RACGAP1: variants seen among roughly 807,000 people sequenced by gnomAD.
The protein encoded by RACGAP1 is Rac GTPase activating protein 1, also known as rac GTPase-activating protein 1.
A neutral mutation model predicts 78.1 loss-of-function variants in RACGAP1; 30 were observed. The observed-to-expected ratio is 0.38, with a 90% confidence interval of 0.29 to 0.52. The LOEUF is 0.52. RACGAP1 is among the 20% of genes least tolerant of loss of function. The pLI is 0.82. For missense variants in RACGAP1, 587 were observed against 777.1 expected (o/e 0.76, Z 2.91); for synonymous variants, 231 against 264.8 (o/e 0.87, Z 1.24).
intron 2 of RACGAP1, among the ~76,000 whole-genome samples, chr12:50,011,654 T>A (rs559484339): frequency 6.6e-6 from 1 of 151,912 alleles, no homozygotes; most frequent in East Asian, 1.9e-4. Context: ...TCAAAATAAA[T>A]ATAAAAATTA....
intron 2 of RACGAP1, among the ~76,000 whole-genome samples, chr12:50,014,719 C>T (rs191436785): frequency 4.5e-4 from 68 of 151,912 alleles, no homozygotes; most frequent in African/African-American, 1.6e-3. Flanking sequence ...ACCACACTGG[C>T]GGGTTTTTTT....
At chr12:50,027,404 A>G (rs902942184), upstream of RACGAP1, among the ~76,000 whole-genome samples, 4 of 152,218 alleles carry the variant, frequency 2.6e-5, no homozygotes, top group Non-Finnish European at 5.9e-5. Context: ...GGGAGTGTTA[A>G]AAAAGCCTGC....
At chr12:49,998,264 C>G (rs1050852057) in intron 9 of RACGAP1, among the ~76,000 whole-genome samples, 1 of 152,006 alleles carries the variant, frequency 6.6e-6, no homozygotes, top group South Asian at 2.1e-4. Flanking sequence ...ATTGGCCGGG[C>G]ATGGTGGTGG....
At chr12:50,003,051 C>T (rs1161671888) in intron 5 of RACGAP1, among the ~76,000 whole-genome samples, 3 of 149,172 alleles carry the variant, frequency 2.0e-5, no homozygotes, top group African/African-American at 7.4e-5. Context: ...AAAAGTTCTA[C>T]AGTTTAGGAA....
intron 5 of RACGAP1, among the ~76,000 whole-genome samples, chr12:50,003,705 C>G (rs897472071): frequency 2.0e-5 from 3 of 152,124 alleles, no homozygotes; most frequent in Non-Finnish European, 4.4e-5. Context: ...AAAAGCAGGG[C>G]AACAAATAGT....
Position 49,989,275 on chromosome 12 carries a change from AC to A in RACGAP1, c.*992del, listed in dbSNP as rs1260762515. 2 of 152,216 alleles carry A rather than the reference AC, an allele frequency of 1.3e-5. No homozygotes were observed. Among genetic ancestry groups the A allele is most frequent in the Non-Finnish European group, 2.9e-5 (2 of 68,034 alleles). The allele number at this position is 152,216 out of a possible 1,614,324, so 9.4% of individuals were successfully genotyped here. On this transcript the variant is annotated 3_prime_UTR_variant, in exon 17 of 17. Transcript: ENST00000312377. ...CTACAGAAGAAAATCGTTTTTACAG[AC>A]ATTAAGAATAATTTTAACAGAAGAA...
intron 2 of RACGAP1, among the ~76,000 whole-genome samples, chr12:50,016,013 C>T (rs1949654847): frequency 6.6e-6 from 1 of 151,820 alleles, no homozygotes; most frequent in Non-Finnish European, 1.5e-5. Context: ...AAGAAAAAAG[C>T]AACATCCTAG....
intron 1 of RACGAP1, chr12:50,018,388 A>C (rs772708741): frequency 1.9e-5 from 10 of 522,734 alleles, no homozygotes; most frequent in Admixed American, 6.4e-5. Flanking sequence ...CAGACCAACA[A>C]ATTTATTACA....
chr12:50,005,190 G>C, intron 4 of RACGAP1, 66 bp downstream of exon 4: 1 of 1,592,616 alleles, frequency 6.3e-7, no homozygotes, highest in East Asian at 2.2e-5. Context: ...TAAGAATTCA[G>C]ATAACAAGAA....
Position 49,992,061 on chromosome 12 carries a change from C to T in RACGAP1, c.1651G>A (p.Asp551Asn), listed in dbSNP as rs200477096. The T allele has an allele frequency of 2.0e-4, 329 of 1,613,932 alleles. 1 individual carries two copies. The highest frequency in any genetic ancestry group is 2.5e-4 in the Non-Finnish European group (296 of 1,180,032). The change falls in exon 15 of 17, where the codon GAC becomes AAC. Residue 551 changes from aspartate (D) to asparagine (N), a missense_variant. Transcript: ENST00000312377. ...QFMMVEQENI[D>N]PLHVIENSNA... ...GAGTTTTCAATGACATGTAGGGGGTCAATGTTCTCTTGCTCCACCATCATG... is the reference window on the plus strand; with the variant it reads ...GAGTTTTCAATGACATGTAGGGGGTTAATGTTCTCTTGCTCCACCATCATG...
chr12:50,028,791 T>C (rs936008842), upstream of RACGAP1, among the ~76,000 whole-genome samples: 2 of 151,318 alleles, frequency 1.3e-5, no homozygotes, highest in Non-Finnish European at 2.9e-5. Flanking sequence ...AAAATAAAAA[T>C]GCAATTATGG....
rs190743977 is a variant in RACGAP1, at chr12:50,000,371, C to T, written c.631-638G>A. Among the ~76,000 whole-genome samples, 22 of 151,862 alleles carry T rather than the reference C, an allele frequency of 1.4e-4. No individual in the cohort carries two copies. The South Asian group carries it at 1.5e-3, about 10-fold the overall frequency. ...TTCGCCATGTTGACCAGGCTGGTCT[C>T]GAACTCCTGACCTCAGGTGATCATC... On this transcript the variant is annotated intron_variant, in intron 7 of 16. Transcript: ENST00000312377.
chr12:50,006,572 C>T lies in RACGAP1; in HGVS notation c.150G>A (p.Glu50=), dbSNP rs751475292. The T allele has an allele frequency of 8.7e-6, 14 of 1,614,184 alleles. No individual in the cohort carries two copies. The highest frequency in any genetic ancestry group is 1.2e-5 in the Non-Finnish European group (14 of 1,180,024). The change falls in exon 3 of 17, where the codon GAG becomes GAA. Residue 50 remains glutamate, a synonymous_variant. Coordinates refer to ENST00000312377, the MANE Select transcript of RACGAP1 (RefSeq NM_001319999.2). The stretch of plus-strand genomic sequence containing the variant: ...TCAAAAGATCCTTGTATTTCCCCAG[C>T]TCATGGTCAGTCCTCTGCCACTTTT... ...FRKKWQRTDH[E]LGKYKDLLMK... is the part of the protein sequence containing the mutation.
chr12:50,026,680 G>A (rs963951183), upstream of RACGAP1, among the ~76,000 whole-genome samples: 1 of 151,956 alleles, frequency 6.6e-6, no homozygotes, highest in Admixed American at 6.6e-5. Flanking sequence ...TTTGTAACCC[G>A]AAAATTTGAC....
Position 50,002,314 on chromosome 12 carries a change from C to T in RACGAP1, c.496-14G>A, listed in dbSNP as rs1948731967. The stretch of plus-strand genomic sequence containing the variant: ...AGAGTCCCAATCCTGTTGACAATTA[C>T]ACTGTATTAATTTCTTTTTTTGGTT... On this transcript the variant is annotated splice_polypyrimidine_tract_variant and intron_variant, in intron 5 of 16. Coordinates refer to ENST00000312377, the MANE Select transcript of RACGAP1 (RefSeq NM_001319999.2). 6.2e-7 allele frequency: 1 copy of T among 1,610,636 alleles called. No individual in the cohort carries two copies. Among genetic ancestry groups the T allele is most frequent in the South Asian group, 1.1e-5 (1 of 90,822 alleles).
exon 1 of RACGAP1, chr12:50,033,016 T>A (rs571502076): frequency 6.6e-5 from 10 of 151,916 alleles, no homozygotes; most frequent in African/African-American, 1.9e-4. Context: ...AGGCGAACTG[T>A]CATCGACGAT....
intron 6 of RACGAP1, among the ~76,000 whole-genome samples, chr12:50,001,937 G>T (rs536711099): frequency 4.5e-4 from 69 of 152,088 alleles, no homozygotes; most frequent in African/African-American, 1.5e-3. Context: ...ATGGTGGCAG[G>T]CACCTGTATC....
rs1592134174 is a variant in RACGAP1, at chr12:49,994,257, T to C, written c.1213A>G (p.Thr405Ala). The C allele has an allele frequency of 6.2e-7, 1 of 1,614,082 alleles. No individual in the cohort carries two copies. Among genetic ancestry groups the C allele is most frequent in the Non-Finnish European group, 8.5e-7 (1 of 1,180,012 alleles). The part of the protein sequence containing the change: ...ELKEKFLRVK[T>A]VPLLSKVDDI... Reference sequence around the variant, plus strand: ...TCCACTTTGCTGAGGAGGGGTACAGTTTTCACTCTGAGGAATTTCTCTTTC... The same window carrying C: ...TCCACTTTGCTGAGGAGGGGTACAGCTTTCACTCTGAGGAATTTCTCTTTC... Residue 405 changes from threonine (T) to alanine (A), a missense_variant, in exon 12 of 17, where the codon ACT becomes GCT. Physicochemically the swap from Thr to Ala is moderately conservative, Grantham distance 58. Transcript: ENST00000312377.
intron 2 of RACGAP1, among the ~76,000 whole-genome samples, chr12:50,014,153 A>G (rs1949515306): frequency 1.3e-5 from 2 of 152,230 alleles, no homozygotes; most frequent in African/African-American, 4.8e-5. Context: ...CTATAGAAAT[A>G]AAAAAAGTTC....
Sources: gnomAD v4.1 joint callset for allele counts (sites outside exome capture counted in the v4.1 genomes callset) on GRCh38, gnomAD v4.1.1 for gene constraint, MANE v1.5 for transcripts, NCBI Gene and HGNC (gene_info 2026-07-23, HGNC 2026-07-21) for gene names.